The following PKNOX2 variants were observed in gnomAD, a reference collection of about 807,000 sequenced individuals.
PKNOX2 encodes the protein PBX/knotted 1 homeobox 2.
In PKNOX2, 14 loss-of-function variants were observed where a neutral mutation model predicts 53.1. That is an observed-to-expected ratio of 0.26 (90% confidence interval 0.17 to 0.41). PKNOX2 has a LOEUF of 0.41. PKNOX2 is among the 10% of genes least tolerant of loss of function. The probability of loss-of-function intolerance (pLI) is 1.00; values close to 1 mark genes in which losing one functional copy is unlikely to be tolerated. For missense variants in PKNOX2, 496 were observed against 602.8 expected (o/e 0.82, Z 1.85); for synonymous variants, 257 against 242.8 (o/e 1.06, Z -0.54).
chr11:125,379,636 C>T (rs1028609255), intron 5 of PKNOX2, among the ~76,000 whole-genome samples: 21 of 151,746 alleles, frequency 1.4e-4, no homozygotes, highest in African/African-American at 5.1e-4. Context: ...GTCTCAGCCT[C>T]TCTGTTACTA....
chr11:125,256,725 T>C (rs565080572), intron 2 of PKNOX2, among the ~76,000 whole-genome samples: 1 of 152,196 alleles, frequency 6.6e-6, no homozygotes, highest in Non-Finnish European at 1.5e-5. Context: ...TTTTTCCAGA[T>C]AGCCACTTCC....
At chr11:125,216,990 G>A (rs1381073496) in intron 1 of PKNOX2, among the ~76,000 whole-genome samples, 2 of 150,422 alleles carry the variant, frequency 1.3e-5, no homozygotes, top group African/African-American at 2.5e-5. Flanking sequence ...GGCTGTGAAA[G>A]TTTCCCCATC....
intron 3 of PKNOX2, among the ~76,000 whole-genome samples, chr11:125,336,324 T>C (rs1272066010): frequency 4.6e-5 from 7 of 152,128 alleles, no homozygotes; most frequent in Non-Finnish European, 7.3e-5. Context: ...TTAGATAATA[T>C]GCTTCAGCCC....
intron 3 of PKNOX2, among the ~76,000 whole-genome samples, chr11:125,344,756 G>A (rs1950884589): frequency 6.6e-6 from 1 of 152,200 alleles, no homozygotes; most frequent in Non-Finnish European, 1.5e-5. Flanking sequence ...AGGGGCAGTA[G>A]GGAAGCAGGT....
At chr11:125,199,919 C>T (rs1284367153) in intron 1 of PKNOX2, among the ~76,000 whole-genome samples, 1 of 152,182 alleles carries the variant, frequency 6.6e-6, no homozygotes, top group African/African-American at 2.4e-5. Flanking sequence ...ATGGACTGGA[C>T]GAGACAGGAG....
intron 2 of PKNOX2, among the ~76,000 whole-genome samples, chr11:125,261,023 T>A (rs1343593894): frequency 3.3e-5 from 5 of 152,118 alleles, no homozygotes; most frequent in African/African-American, 1.2e-4. Flanking sequence ...TAATAATAAT[T>A]ACCTATGGCA....
intron 2 of PKNOX2, among the ~76,000 whole-genome samples, chr11:125,257,448 C>T (rs963065132): frequency 6.6e-6 from 1 of 152,192 alleles, no homozygotes; most frequent in African/African-American, 2.4e-5. Context: ...TTTTCAAGAC[C>T]TGCAGGATCC....
chr11:125,317,579 A>G (rs1949279359), intron 2 of PKNOX2, among the ~76,000 whole-genome samples: 1 of 152,188 alleles, frequency 6.6e-6, no homozygotes, highest in African/African-American at 2.4e-5. Context: ...GTGCATTGCC[A>G]ATGACTGGTA....
chr11:125,294,942 G>A (rs1947553481), intron 2 of PKNOX2, among the ~76,000 whole-genome samples: 2 of 152,176 alleles, frequency 1.3e-5, no homozygotes, highest in South Asian at 2.1e-4. Flanking sequence ...GGAGGAACTG[G>A]AACTCTGCCT....
chr11:125,213,960 C>A (rs544679048), intron 1 of PKNOX2, among the ~76,000 whole-genome samples: 1 of 152,224 alleles, frequency 6.6e-6, no homozygotes, highest in Non-Finnish European at 1.5e-5. Flanking sequence ...GTTTCCAGCA[C>A]CTACTGCTTG....
At chr11:125,306,461 CT>C (rs1165837840) in intron 2 of PKNOX2, among the ~76,000 whole-genome samples, 2 of 152,140 alleles carry the variant, frequency 1.3e-5, no homozygotes, top group Non-Finnish European at 2.9e-5. Flanking sequence ...TCCTTTCTTT[CT>C]TTTTTTCTTT....
chr11:125,381,039 G>A (rs376984196), intron 5 of PKNOX2, among the ~76,000 whole-genome samples: 1 of 152,148 alleles, frequency 6.6e-6, no homozygotes, highest in Non-Finnish European at 1.5e-5. Context: ...CAAAACCCAC[G>A]GAGTCGCTGA....
Position 125,165,449 on chromosome 11 carries a change from C to T in PKNOX2, c.-201+673C>T, listed in dbSNP as rs1256129043. On this transcript the variant is annotated intron_variant, in intron 1 of 12. Transcript: ENST00000298282. This position sits in a 1 kb window ranked among gnomAD's most constrained non-coding sequence, Gnocchi z 4.5. ...GCGTCCTTGGGGCCGGCGCTTACTC[C>T]GCGCCACCAGCCTGGAGATGCTTTC... Among the ~76,000 whole-genome samples, 1 of 152,138 alleles carries T rather than the reference C, an allele frequency of 6.6e-6. No individual in the cohort carries two copies. Among genetic ancestry groups the T allele is most frequent in the Non-Finnish European group, 1.5e-5 (1 of 67,998 alleles).
chr11:125,368,044 G>T, intron 5 of PKNOX2, 59 bp downstream of exon 5: 1 of 1,562,794 alleles, frequency 6.4e-7, no homozygotes, highest in East Asian at 2.4e-5. Context: ...CAGCTCAGCT[G>T]TGAGGGATGA....
chr11:125,229,264 G>A lies in PKNOX2; in HGVS notation c.-200-5781G>A, dbSNP rs1042144624. Among the ~76,000 whole-genome samples, 11 of 151,076 alleles carry A rather than the reference G, an allele frequency of 7.3e-5. No homozygotes were observed. The South Asian group carries it at 1.7e-3, about 23-fold the overall frequency. ...GCCTCTAGGTGTCTGGCCCCGTGAC[G>A]GGGGAGACTTCTGGGGCAACACCTG... On this transcript the variant is annotated intron_variant, in intron 1 of 12. Coordinates refer to ENST00000298282, the MANE Select transcript of PKNOX2 (RefSeq NM_001382323.2).
intron 3 of PKNOX2, among the ~76,000 whole-genome samples, chr11:125,342,506 G>A (rs1178796447): frequency 6.6e-6 from 1 of 152,198 alleles, no homozygotes; most frequent in Non-Finnish European, 1.5e-5. Flanking sequence ...GGGAGCCCGA[G>A]AGGGCTGCCG....
chr11:125,264,496 G>A (rs958772010), intron 2 of PKNOX2, among the ~76,000 whole-genome samples: 7 of 152,120 alleles, frequency 4.6e-5, no homozygotes, highest in African/African-American at 7.2e-5. Context: ...AGGACTGGAC[G>A]TTAGGGCTGG....
chr11:125,351,870 C>G (rs766792321), intron 4 of PKNOX2, among the ~76,000 whole-genome samples: 2 of 152,152 alleles, frequency 1.3e-5, no homozygotes, highest in Non-Finnish European at 2.9e-5. Context: ...GGGAGAATCT[C>G]TGTTCTCTTC....
At chr11:125,170,463 C>T (rs1955206055) in intron 1 of PKNOX2, among the ~76,000 whole-genome samples, 1 of 152,134 alleles carries the variant, frequency 6.6e-6, no homozygotes, top group African/African-American at 2.4e-5. Context: ...GTCTTTCTAC[C>T]TGAACTCCAG....
Sources: gnomAD v4.1 joint callset for allele counts (sites outside exome capture counted in the v4.1 genomes callset) on GRCh38, gnomAD v4.1.1 for gene constraint, Gnocchi (gnomAD v3.1) non-coding constraint, MANE v1.5 for transcripts, NCBI Gene and HGNC (gene_info 2026-07-23, HGNC 2026-07-21) for gene names.